The following CYP3A43 variants were observed in gnomAD, a reference collection of about 807,000 sequenced individuals.
CYP3A43 encodes the protein cytochrome P450 3A43.
A neutral mutation model predicts 58.0 loss-of-function variants in CYP3A43; 45 were observed. The ratio of observed to expected loss-of-function variants is 0.78; its 90% CI spans 0.61 to 0.99. CYP3A43 has a LOEUF of 0.99. CYP3A43 is among the 50% of genes least tolerant of loss of function. The probability of loss-of-function intolerance (pLI) is 0.00; values close to 1 mark genes in which losing one functional copy is unlikely to be tolerated. For missense variants in CYP3A43, 593 were observed against 591.9 expected, an observed-to-expected ratio of 1.00 and a Z score of -0.02; for synonymous variants, 191 against 201.4, an observed-to-expected ratio of 0.95 and a Z score of 0.44.
At chr7:99,841,339 C>T (rs1234231727) in intron 3 of CYP3A43, among the ~76,000 whole-genome samples, 5 of 152,178 alleles carry the variant, frequency 3.3e-5, no homozygotes, top group South Asian at 2.1e-4. Context: ...TCAATTTTCC[C>T]CTCTAGAAAC....
chr7:99,835,505 G>A (rs1817033676), intron 1 of CYP3A43, among the ~76,000 whole-genome samples: 1 of 152,216 alleles, frequency 6.6e-6, no homozygotes, highest in African/African-American at 2.4e-5. Context: ...TTTGGTTTGA[G>A]CTATAAGCTC....
At chr7:99,832,872 T>A (rs1406097207) in intron 1 of CYP3A43, among the ~76,000 whole-genome samples, 2 of 152,208 alleles carry the variant, frequency 1.3e-5, no homozygotes, top group Non-Finnish European at 2.9e-5. Context: ...GTGAGTCAAT[T>A]AAGCCTCTTT....
At chr7:99,828,637 G>A (rs910612521) in intron 1 of CYP3A43, among the ~76,000 whole-genome samples, 24 of 152,038 alleles carry the variant, frequency 1.6e-4, no homozygotes, top group Admixed American at 2.0e-4. Context: ...TTCCAGCCTG[G>A]GTGACAGAGC....
intron 12 of CYP3A43, among the ~76,000 whole-genome samples, chr7:99,864,369 C>T (rs1049434963): frequency 6.7e-6 from 1 of 148,810 alleles, no homozygotes; most frequent in Non-Finnish European, 1.5e-5. Flanking sequence ...TTCATACAAG[C>T]TGTGCATCTT....
chr7:99,836,228 G>A (rs888151733), intron 1 of CYP3A43, among the ~76,000 whole-genome samples: 2 of 152,196 alleles, frequency 1.3e-5, no homozygotes, highest in Non-Finnish European at 2.9e-5. Context: ...CTGGCCCAGT[G>A]TACCTAAATA....
At chr7:99,828,223 A>G in intron 1 of CYP3A43, 37 bp downstream of exon 1, 1 of 1,473,568 alleles carries the variant, frequency 6.8e-7, no homozygotes, top group Non-Finnish European at 9.2e-7. Flanking sequence ...TCTTAACTCT[A>G]AGACCTGAAG....
In CYP3A43 at chr7:99,866,043, C is replaced by A; in HGVS notation, c.*42C>A. 1.6e-6 allele frequency: 2 copies of A among 1,284,566 alleles called. No homozygotes were observed. The highest frequency in any genetic ancestry group is 2.4e-5 in the East Asian group (1 of 42,314). The allele number at this position is 1,284,566 out of a possible 1,614,324, so 79.6% of individuals were successfully genotyped here. A position where few individuals can be genotyped will look rare whatever the true frequency, so the allele number is the denominator to read the frequency against. Reference sequence around the variant, plus strand: ...CCACTTTGTTCAAGAAAGCTGTATCCCAGAACACTAGACACTTCAAATTGT... The same window carrying A: ...CCACTTTGTTCAAGAAAGCTGTATCACAGAACACTAGACACTTCAAATTGT... On this transcript the variant is annotated 3_prime_UTR_variant, in exon 13 of 13. Coordinates refer to ENST00000354829, the MANE Select transcript of CYP3A43 (RefSeq NM_057095.3).
intron 4 of CYP3A43, 30 bp from the exon 5 acceptor site, chr7:99,847,458 A>G (rs750861418): frequency 6.2e-7 from 1 of 1,604,030 alleles, no homozygotes; most frequent in Non-Finnish European, 8.5e-7. Context: ...AAACTTACGT[A>G]GGACAAACTG....
chr7:99,834,787 C>T (rs1042263166), intron 1 of CYP3A43, among the ~76,000 whole-genome samples: 1 of 152,192 alleles, frequency 6.6e-6, no homozygotes, highest in Admixed American at 6.5e-5. Context: ...ACAGTACTTT[C>T]CAATTATGGA....
At position 99,847,546 on chromosome 7, in the gene CYP3A43, GGAAGAGAATAC is replaced by G; in HGVS notation, c.381_391del (p.Lys127AsnfsTer104). The G allele has an allele frequency of 6.2e-7, 1 of 1,613,886 alleles. No homozygotes were observed. The highest frequency in any genetic ancestry group is 1.3e-5 in the African/African-American group (1 of 74,948). Reference sequence around the variant, plus strand: ...TTAAGTTTTGCTGAAGATGAAGAATGGAAGAGAATACGAACATTGCTATCTCCAGCTTTCAC... The same window carrying G: ...TTAAGTTTTGCTGAAGATGAAGAATGGAACATTGCTATCTCCAGCTTTCAC... On this transcript the variant is annotated frameshift_variant, in exon 5 of 13. Coordinates refer to ENST00000354829, the MANE Select transcript of CYP3A43 (RefSeq NM_057095.3). LOFTEE classifies it high-confidence loss of function.
intron 4 of CYP3A43, among the ~76,000 whole-genome samples, chr7:99,844,674 G>A (rs983870000): frequency 6.6e-6 from 1 of 152,022 alleles, no homozygotes; most frequent in Non-Finnish European, 1.5e-5. Context: ...TTTTATTTCA[G>A]TGAGGCCAAT....
rs1217855623 is a variant in CYP3A43, at chr7:99,863,620, G to A, written c.1337G>A (p.Arg446Lys). Reference protein sequence around the residue: ...GAGPRNCIGMRFALTNIKLAV... With the variant: ...GAGPRNCIGMKFALTNIKLAV... ...GGACCCCGAAACTGCATTGGCATGA[G>A]GTTTGCTCTCACAAACATAAAACTT... Residue 446 changes from arginine (R) to lysine (K), a missense_variant, in exon 12 of 13, where the codon AGG (arginine) becomes AAG (lysine). Arg to Lys is a conservative substitution (Grantham distance 26). Transcript: ENST00000354829. 9 of 1,613,886 alleles carry A rather than the reference G, an allele frequency of 5.6e-6. No homozygotes were observed. Among genetic ancestry groups the A allele is most frequent in the Non-Finnish European group, 7.6e-6 (9 of 1,179,896 alleles).
intron 4 of CYP3A43, among the ~76,000 whole-genome samples, chr7:99,845,807 G>T (rs1418935298): frequency 6.7e-6 from 1 of 148,944 alleles, no homozygotes; most frequent in Non-Finnish European, 1.5e-5. Context: ...AGACGGTCTC[G>T]CTCTGTAGCC....
chr7:99,837,389 G>T (rs2151593982), intron 2 of CYP3A43, among the ~76,000 whole-genome samples: 1 of 151,988 alleles, frequency 6.6e-6, no homozygotes, highest in African/African-American at 2.4e-5. Context: ...ATTTACCGCT[G>T]GATAATTTGC....
At chr7:99,852,386 G>A (rs1021240277) in intron 7 of CYP3A43, among the ~76,000 whole-genome samples, 4 of 152,166 alleles carry the variant, frequency 2.6e-5, no homozygotes, top group African/African-American at 9.7e-5. Context: ...CATTTGAGAA[G>A]TATTGCCATT....
At chr7:99,834,731 T>C (rs927355713) in intron 1 of CYP3A43, among the ~76,000 whole-genome samples, 1 of 152,232 alleles carries the variant, frequency 6.6e-6, no homozygotes, top group Non-Finnish European at 1.5e-5. Flanking sequence ...CCTAGGCAGA[T>C]TGTTTCTCCT....
intron 3 of CYP3A43, among the ~76,000 whole-genome samples, chr7:99,840,464 C>T (rs1231576020): frequency 1.3e-5 from 2 of 152,216 alleles, no homozygotes; most frequent in Non-Finnish European, 2.9e-5. Flanking sequence ...TCTACTCTTT[C>T]TTTTCACATG....
At position 99,842,760 on chromosome 7, in the gene CYP3A43, C is replaced by T. The variant is rs529333417; in HGVS notation, c.219-1383C>T. On this transcript the variant is annotated intron_variant, in intron 3 of 12. Coordinates refer to ENST00000354829, the MANE Select transcript of CYP3A43 (RefSeq NM_057095.3). ...ATTTCACAATGCTGTGTCATAACCT[C>T]ATAAGAAAGCCAGATTCCCAAAATG... Among the ~76,000 whole-genome samples the T allele has an allele frequency of 5.9e-5, 9 of 152,310 alleles. No homozygotes were observed. In the South Asian group the frequency reaches 1.9e-3, roughly 32 times the overall value.
At chr7:99,830,894 C>CAGAT (rs1816815410) in intron 1 of CYP3A43, among the ~76,000 whole-genome samples, 1 of 152,238 alleles carries the variant, frequency 6.6e-6, no homozygotes, top group African/African-American at 2.4e-5. Context: ...CTTGACCCTA[C>CAGAT]AGATGTTACA....
Sources: gnomAD v4.1 joint callset for allele counts (sites outside exome capture counted in the v4.1 genomes callset) on GRCh38, gnomAD v4.1.1 for gene constraint, MANE v1.5 for transcripts, NCBI Gene and HGNC (gene_info 2026-07-23, HGNC 2026-07-21) for gene names.